NRG1: variants seen among roughly 807,000 people sequenced by gnomAD.
NRG1 encodes neuregulin 1, also known as pro-neuregulin-1, membrane-bound isoform.
A neutral mutation model predicts 63.8 loss-of-function variants in NRG1; 18 were observed. The ratio of observed to expected loss-of-function variants is 0.28; its 90% CI spans 0.19 to 0.42. The LOEUF is 0.42. Among genes scored for constraint, NRG1 ranks in the 10% least tolerant of loss-of-function variants. The probability of loss-of-function intolerance (pLI) is 1.00; values close to 1 mark genes in which losing one functional copy is unlikely to be tolerated. For missense variants in NRG1, 762 were observed against 814.7 expected, an observed-to-expected ratio of 0.94 and a Z score of 0.79; for synonymous variants, 302 against 301.3, an observed-to-expected ratio of 1.00 and a Z score of -0.02.
intron 1 of NRG1, among the ~76,000 whole-genome samples, chr8:31,942,780 AT>A (rs1233425247): frequency 6.6e-6 from 1 of 152,134 alleles, no homozygotes; most frequent in Non-Finnish European, 1.5e-5. Flanking sequence ...CAACAAGCAT[AT>A]GGAAAAATGC....
chr8:32,034,362 T>C (rs960881662), intron 1 of NRG1, among the ~76,000 whole-genome samples: 21 of 152,350 alleles, frequency 1.4e-4, no homozygotes, highest in African/African-American at 4.1e-4. Context: ...CAGTATTTTA[T>C]TGAAAATTTT....
Position 31,639,932 on chromosome 8 carries a change from A to G in NRG1, c.37+501A>G, listed in dbSNP as rs1161603939. 1.8e-5 allele frequency: 20 copies of G among 1,119,552 alleles called. No homozygotes were observed. In the East Asian group the frequency reaches 2.0e-4, roughly 11 times the overall value. 69.4% of individuals were successfully genotyped at this position (1,119,552 alleles called of 1,614,324 possible). A position where few individuals can be genotyped will look rare whatever the true frequency, so the allele number is the denominator to read the frequency against. On this transcript the variant is annotated intron_variant, in intron 1 of 10. Coordinates refer to the NRG1 transcript ENST00000519301. ...GGAAGGAAAAGGGAGGCAGCGCGAG[A>G]GAGCCGGGCAGAGTCCGAACCGACA...
chr8:32,063,894 C>T (rs1824302772), intron 1 of NRG1, among the ~76,000 whole-genome samples: 1 of 151,714 alleles, frequency 6.6e-6, no homozygotes, highest in African/African-American at 2.4e-5. Flanking sequence ...CTTACAGGTC[C>T]TGGGTGGGGG....
chr8:32,659,222 G>A (rs1253294667), intron 5 of NRG1, among the ~76,000 whole-genome samples: 5 of 146,696 alleles, frequency 3.4e-5, no homozygotes, highest in African/African-American at 7.5e-5. Context: ...TTGGCTCACC[G>A]CAACCTCCAC....
At chr8:32,033,393 G>T (rs1050040514) in intron 1 of NRG1, among the ~76,000 whole-genome samples, 1 of 152,078 alleles carries the variant, frequency 6.6e-6, no homozygotes, top group South Asian at 2.1e-4. Flanking sequence ...ATGCCTCCAG[G>T]TTTGCTCTTT....
chr8:32,434,756 A>T (rs1462536520), intron 1 of NRG1, among the ~76,000 whole-genome samples: 1 of 152,132 alleles, frequency 6.6e-6, no homozygotes, highest in Non-Finnish European at 1.5e-5. Flanking sequence ...ATATCTGGGG[A>T]TTCTACATTT....
intron 1 of NRG1, among the ~76,000 whole-genome samples, chr8:32,296,715 G>C (rs926193163): frequency 4.0e-5 from 6 of 150,804 alleles, no homozygotes; most frequent in Non-Finnish European, 7.4e-5. Flanking sequence ...ATACATATTT[G>C]ATATATAACC....
chr8:31,867,078 T>C (rs530746852), intron 1 of NRG1, among the ~76,000 whole-genome samples: 4 of 152,330 alleles, frequency 2.6e-5, no homozygotes, highest in African/African-American at 9.6e-5. Context: ...TGAATGGACC[T>C]AGCCTTTTAC....
intron 1 of NRG1, among the ~76,000 whole-genome samples, chr8:32,573,609 T>C: frequency 6.6e-6 from 1 of 152,160 alleles, no homozygotes; most frequent in East Asian, 1.9e-4. Flanking sequence ...CTTAGAACTA[T>C]GTATTTGGGT....
chr8:32,257,224 A>T (rs1405134977), intron 1 of NRG1, among the ~76,000 whole-genome samples: 1 of 152,086 alleles, frequency 6.6e-6, no homozygotes, highest in Non-Finnish European at 1.5e-5. Flanking sequence ...GCTGGGCTCC[A>T]TGTGGGTGGG....
intron 1 of NRG1, among the ~76,000 whole-genome samples, chr8:31,673,179 A>G (rs1384368704): frequency 5.3e-5 from 8 of 152,164 alleles, no homozygotes; most frequent in Admixed American, 5.2e-4. Flanking sequence ...ATACTCAGAC[A>G]TCATCCCTAG....
rs142399271 is a variant in NRG1, at chr8:32,015,697, C to A, written c.37+376266C>A. Reference sequence around the variant, plus strand: ...GCTACATAAGCATCACAAAAAATTACAAACAGCTATGCCTCATTTTCATAA... The same window carrying A: ...GCTACATAAGCATCACAAAAAATTAAAAACAGCTATGCCTCATTTTCATAA... On this transcript the variant is annotated intron_variant, in intron 1 of 10. Transcript: ENST00000519301. Among the ~76,000 whole-genome samples, 1,152 of 152,226 alleles carry A rather than the reference C, an allele frequency of 7.6e-3. 17 individuals carry two copies. Among genetic ancestry groups the A allele is most frequent in the African/African-American group, 0.027 (1,103 of 41,548 alleles).
chr8:32,413,555 G>A (rs146545196), intron 1 of NRG1, among the ~76,000 whole-genome samples: 153 of 152,256 alleles, frequency 1.0e-3, no homozygotes, highest in African/African-American at 3.5e-3. Flanking sequence ...TAATCTCAGC[G>A]CTGGGATTAC....
intron 1 of NRG1, among the ~76,000 whole-genome samples, chr8:31,910,347 T>C (rs1346013464): frequency 1.3e-5 from 2 of 152,224 alleles, no homozygotes; most frequent in African/African-American, 4.8e-5. Flanking sequence ...GAATATGCTA[T>C]ATCTTGAGTC....
intron 1 of NRG1, among the ~76,000 whole-genome samples, chr8:32,424,749 C>T (rs1311047998): frequency 2.0e-5 from 3 of 152,080 alleles, no homozygotes; most frequent in Non-Finnish European, 4.4e-5. Context: ...TTCCTGTAAT[C>T]CCAGCAATAT....
intron 1 of NRG1, among the ~76,000 whole-genome samples, chr8:31,647,426 G>A (rs1366991101): frequency 6.6e-6 from 1 of 152,228 alleles, no homozygotes; most frequent in African/African-American, 2.4e-5. Context: ...TGGAGGCACT[G>A]TGGGAGATGA....
intron 1 of NRG1, among the ~76,000 whole-genome samples, chr8:32,233,563 A>ATATATATATATATTT (rs34593729): frequency 8.9e-5 from 6 of 67,250 alleles, no homozygotes; most frequent in South Asian, 5.9e-4. Context: ...ATATATATAT[A>ATATATATATATATTT]TTTTTTTTTT....
At chr8:32,548,984 C>A (rs1043487004) in intron 1 of NRG1, among the ~76,000 whole-genome samples, 158 bp downstream of exon 1, 1 of 152,204 alleles carries the variant, frequency 6.6e-6, no homozygotes, top group African/African-American at 2.4e-5. Flanking sequence ...GCTTCCCCTC[C>A]TGGGGGCCGC....
intron 1 of NRG1, among the ~76,000 whole-genome samples, chr8:32,537,841 G>C (rs1410671330): frequency 1.3e-5 from 2 of 152,008 alleles, no homozygotes; most frequent in African/African-American, 4.8e-5. Context: ...CTCAGGTTTT[G>C]GTTACTCTTG....
Sources: allele counts gnomAD v4.1 joint callset (sites outside exome capture counted in the v4.1 genomes callset), GRCh38; gene constraint gnomAD v4.1.1; transcripts MANE v1.5; gene names NCBI Gene and HGNC (gene_info 2026-07-23, HGNC 2026-07-21).